Variants in TMEM64 observed in about 807,000 individuals in gnomAD.
TMEM64 encodes transmembrane protein 64.
TMEM64 carries 19 observed loss-of-function variants against 24.5 expected under a neutral mutation model. That is an observed-to-expected ratio of 0.78 (90% CI 0.54 to 1.14). The LOEUF is 1.14. Among genes scored for constraint, TMEM64 ranks in the 50% most tolerant of loss-of-function variants. The pLI is 0.00. For synonymous variants in TMEM64, 262 were observed against 224.7 expected, an observed-to-expected ratio of 1.17 and a Z score of -1.49; for missense variants, 487 against 493.0, an observed-to-expected ratio of 0.99 and a Z score of 0.12.
At chr8:90,630,812 GA>G (rs1339056981) in intron 2 of TMEM64, among the ~76,000 whole-genome samples, 1 of 152,136 alleles carries the variant, frequency 6.6e-6, no homozygotes, top group Non-Finnish European at 1.5e-5. Flanking sequence ...ACTAGTTCAT[GA>G]AAAATTATGA....
At chr8:90,631,050 A>G (rs1191420401) in intron 2 of TMEM64, among the ~76,000 whole-genome samples, 2 of 152,202 alleles carry the variant, frequency 1.3e-5, no homozygotes, top group Non-Finnish European at 2.9e-5. Flanking sequence ...AAAACCTTAG[A>G]CATTTTTACG....
chr8:90,632,232 C>T (rs1809450594), intron 1 of TMEM64, among the ~76,000 whole-genome samples: 1 of 152,170 alleles, frequency 6.6e-6, no homozygotes, highest in Non-Finnish European at 1.5e-5. Context: ...CTGCAACCTC[C>T]ACCACCTGGG....
intron 1 of TMEM64, among the ~76,000 whole-genome samples, chr8:90,633,522 C>A (rs1387175098): frequency 6.6e-6 from 1 of 152,110 alleles, no homozygotes; most frequent in African/African-American, 2.4e-5. Flanking sequence ...TGGTATACAG[C>A]AATACATGAC....
intron 2 of TMEM64, among the ~76,000 whole-genome samples, chr8:90,628,965 T>C (rs1809400604): frequency 1.3e-5 from 2 of 152,348 alleles, no homozygotes; most frequent in South Asian, 2.1e-4. Flanking sequence ...TGTGGCTTCC[T>C]ATGAACAGTT....
intron 2 of TMEM64, among the ~76,000 whole-genome samples, chr8:90,628,713 T>C (rs960033553): frequency 2.0e-5 from 3 of 152,196 alleles, no homozygotes; most frequent in Admixed American, 1.3e-4. Flanking sequence ...TCAGTACAGT[T>C]TGAGCATTCC....
At chr8:90,626,346 AC>A (rs1463241761) in intron 2 of TMEM64, among the ~76,000 whole-genome samples, 3 of 152,238 alleles carry the variant, frequency 2.0e-5, no homozygotes, top group African/African-American at 7.2e-5. Flanking sequence ...AGTATTACAG[AC>A]CACTTAAAAA....
chr8:90,627,410 T>A (rs1809375823), intron 2 of TMEM64, among the ~76,000 whole-genome samples: 2 of 145,578 alleles, frequency 1.4e-5, no homozygotes, highest in Admixed American at 1.4e-4. Flanking sequence ...CGAAAACTCC[T>A]AAGTTTGCTA....
At chr8:90,636,505 C>T (rs1033628257) in intron 1 of TMEM64, among the ~76,000 whole-genome samples, 100 of 152,304 alleles carry the variant, frequency 6.6e-4, no homozygotes, top group African/African-American at 2.3e-3. Flanking sequence ...CTGCCTGCGT[C>T]GGCCTCCCAA....
In TMEM64 at chr8:90,645,808, A is replaced by G; in HGVS notation, c.98T>C (p.Leu33Pro). The G allele has an allele frequency of 6.8e-6, 7 of 1,035,404 alleles. No homozygotes were observed. The highest frequency in any genetic ancestry group is 8.1e-6 in the Non-Finnish European group (7 of 864,236). The allele number at this position is 1,035,404 out of a possible 1,614,324, so 64.1% of individuals were successfully genotyped here. A position where few individuals can be genotyped will look rare whatever the true frequency, so the allele number is the denominator to read the frequency against. The change falls in exon 1 of 3, where the codon CTG (leucine) becomes CCG (proline). Residue 33 changes from leucine (L) to proline (P), a missense_variant. Physicochemically the swap from Leu to Pro is moderately conservative, Grantham distance 98. Coordinates refer to ENST00000458549, the MANE Select transcript of TMEM64 (RefSeq NM_001008495.4). This position sits in a 1 kb window ranked among gnomAD's most constrained non-coding sequence, Gnocchi z 4.2. ...GCCGTCCCCGCCCGCACCCCGCGGC[A>G]GGGCCCAGCGGGCCGGCAGCTCGGC... ...GLAELPARWA[L>P]PRGAGGDGPA... is the part of the protein sequence containing the mutation.
At chr8:90,641,577 C>G (rs1809605092) in intron 1 of TMEM64, among the ~76,000 whole-genome samples, 1 of 152,154 alleles carries the variant, frequency 6.6e-6, no homozygotes, top group Non-Finnish European at 1.5e-5. Flanking sequence ...TCTGGGAAAT[C>G]CAGCTCTTCT....
chr8:90,632,077 C>T (rs573405608), intron 1 of TMEM64, among the ~76,000 whole-genome samples: 2 of 152,288 alleles, frequency 1.3e-5, no homozygotes, highest in African/African-American at 4.8e-5. Flanking sequence ...GGTCGCTGAG[C>T]TTTGAAGCCA....
chr8:90,629,553 CAA>C (rs1809409092), intron 2 of TMEM64, among the ~76,000 whole-genome samples: 1 of 151,816 alleles, frequency 6.6e-6, no homozygotes, highest in Non-Finnish European at 1.5e-5. Context: ...TCTGAGAATG[CAA>C]TACATATTAG....
At chr8:90,633,984 A>G (rs149797472) in intron 1 of TMEM64, among the ~76,000 whole-genome samples, 115 of 152,152 alleles carry the variant, frequency 7.6e-4, no homozygotes, top group Middle Eastern at 3.4e-3. Context: ...ATGTTTTTAA[A>G]TTTTTATATA....
intron 2 of TMEM64, among the ~76,000 whole-genome samples, chr8:90,629,940 AT>A (rs1370314122): frequency 1.3e-5 from 2 of 152,154 alleles, no homozygotes; most frequent in Non-Finnish European, 2.9e-5. Context: ...TTATCATAGT[AT>A]TTTAAATAAG....
At chr8:90,643,856 T>G (rs1215653828) in intron 1 of TMEM64, among the ~76,000 whole-genome samples, 2 of 152,224 alleles carry the variant, frequency 1.3e-5, no homozygotes. Context: ...CCACTGCCTC[T>G]ACCAAATACC....
chr8:90,637,126 A>T (rs1809533890), intron 1 of TMEM64, among the ~76,000 whole-genome samples: 1 of 152,154 alleles, frequency 6.6e-6, no homozygotes, highest in Non-Finnish European at 1.5e-5. Context: ...GAGGGAAAAA[A>T]ATGAGAGGAA....
rs748855052 is a variant in TMEM64, at chr8:90,623,747, C to T, written c.*1924G>A. On this transcript the variant is annotated 3_prime_UTR_variant, in exon 3 of 3. Coordinates refer to ENST00000458549, the MANE Select transcript of TMEM64 (RefSeq NM_001008495.4). ...TAGTAAATAAATGTACTTCAAAATA[C>T]GTGAAGTGTAAAACAAGTATGAAAA... The T allele has an allele frequency of 5.3e-5, 8 of 152,126 alleles. No homozygotes were observed. The highest frequency in any genetic ancestry group is 2.1e-4 in the South Asian group (1 of 4,818). The allele number at this position is 152,126 out of a possible 1,614,324, so 9.4% of individuals were successfully genotyped here.
intron 1 of TMEM64, among the ~76,000 whole-genome samples, 171 bp from the exon 2 acceptor site, chr8:90,631,878 G>A (rs993875441): frequency 6.6e-6 from 1 of 152,172 alleles, no homozygotes; most frequent in Non-Finnish European, 1.5e-5. Context: ...CATGCAGAAT[G>A]TAGAAAATTT....
chr8:90,632,094 C>T (rs1159148529), intron 1 of TMEM64, among the ~76,000 whole-genome samples: 1 of 152,132 alleles, frequency 6.6e-6, no homozygotes, highest in Non-Finnish European at 1.5e-5. Flanking sequence ...GCCAGATAAC[C>T]CTAGAATGGC....
Sources: gnomAD v4.1 joint callset for allele counts (sites outside exome capture counted in the v4.1 genomes callset) on GRCh38, gnomAD v4.1.1 for gene constraint, Gnocchi (gnomAD v3.1) non-coding constraint, MANE v1.5 for transcripts, NCBI Gene and HGNC (gene_info 2026-07-23, HGNC 2026-07-21) for gene names.